ZNF385D: variants seen among roughly 807,000 people sequenced by gnomAD.
ZNF385D encodes zinc finger protein 385D.
In ZNF385D, 15 loss-of-function variants were observed where a neutral mutation model predicts 35.8. That is an observed-to-expected ratio of 0.42 (90% confidence interval 0.28 to 0.64). The LOEUF (loss-of-function observed/expected upper bound fraction) is 0.64, where lower values mean the gene tolerates loss of function less well. Ranked by LOEUF, ZNF385D falls within the 30% of genes least tolerant of loss-of-function variation. The pLI is 0.23. For missense variants in ZNF385D, 474 were observed against 494.6 expected, an observed-to-expected ratio of 0.96 and a Z score of 0.39; for synonymous variants, 212 against 186.8, an observed-to-expected ratio of 1.13 and a Z score of -1.10.
chr3:21,956,193 C>G (rs1369473457), intron 3 of ZNF385D, among the ~76,000 whole-genome samples: 1 of 147,196 alleles, frequency 6.8e-6, no homozygotes, highest in South Asian at 2.2e-4. Context: ...TCTCAGGAAA[C>G]AAACAAACAA....
intron 3 of ZNF385D, among the ~76,000 whole-genome samples, chr3:22,041,236 C>T (rs1319365931): frequency 6.6e-6 from 1 of 152,066 alleles, no homozygotes; most frequent in Non-Finnish European, 1.5e-5. Context: ...AGAAATGACA[C>T]ATGGTTGCAT....
intron 3 of ZNF385D, among the ~76,000 whole-genome samples, chr3:22,086,779 T>A (rs1213293053): frequency 2.0e-5 from 3 of 152,170 alleles, no homozygotes; most frequent in African/African-American, 7.2e-5. Flanking sequence ...TCATGTCCTT[T>A]GTAGGGACAT....
rs1436116932 is a variant in ZNF385D at position 22,117,514 on chromosome 3, A to T, written c.325+51303T>A. The stretch of plus-strand genomic sequence containing the variant: ...TCTTGTTCAACCAAAATTGGCATGA[A>T]ATGATTAAATAACAGGTTAAATAGG... On this transcript the variant is annotated intron_variant, in intron 3 of 5. Coordinates refer to the ZNF385D transcript ENST00000494108. 2.6e-5 allele frequency among the ~76,000 whole-genome samples: 4 copies of T among 152,142 alleles called. No homozygotes were observed. In the East Asian group the frequency reaches 7.7e-4, roughly 29 times the overall value.
At chr3:21,801,517 T>G (rs761800872) in intron 3 of ZNF385D, among the ~76,000 whole-genome samples, 7 of 152,168 alleles carry the variant, frequency 4.6e-5, no homozygotes, top group Non-Finnish European at 1.0e-4. Flanking sequence ...CTATCTATTT[T>G]TAATTGTAAA....
intron 3 of ZNF385D, among the ~76,000 whole-genome samples, chr3:22,038,456 T>G (rs1698468551): frequency 6.6e-6 from 1 of 152,124 alleles, no homozygotes. Context: ...AGCAATTAAA[T>G]GATATATGCA....
At chr3:22,207,730 A>C (rs1396808222) in intron 2 of ZNF385D, among the ~76,000 whole-genome samples, 1 of 152,046 alleles carries the variant, frequency 6.6e-6, no homozygotes, top group Non-Finnish European at 1.5e-5. Flanking sequence ...TAAAGAGCTC[A>C]AACAACTCTA....
intron 4 of ZNF385D, among the ~76,000 whole-genome samples, chr3:21,445,970 G>A (rs1335843057): frequency 6.6e-6 from 1 of 152,066 alleles, no homozygotes; most frequent in African/African-American, 2.4e-5. Context: ...AAGATGTTGG[G>A]GAAATTTCAC....
chr3:21,557,832 A>G (rs2062795177), intron 3 of ZNF385D, among the ~76,000 whole-genome samples: 1 of 152,076 alleles, frequency 6.6e-6, no homozygotes, highest in Non-Finnish European at 1.5e-5. Context: ...AACTGCCTCA[A>G]TTTCAGAACT....
intron 2 of ZNF385D, among the ~76,000 whole-genome samples, chr3:22,267,807 G>A (rs573967624): frequency 1.3e-5 from 2 of 151,998 alleles, no homozygotes; most frequent in African/African-American, 4.8e-5. Context: ...AGTAATTAAA[G>A]TATTACCAAT....
rs75163989 is a variant in ZNF385D at position 22,130,798 on chromosome 3, T to C, written c.325+38019A>G. Among the ~76,000 whole-genome samples, 11 of 152,266 alleles carry C rather than the reference T, an allele frequency of 7.2e-5. No individual in the cohort carries two copies. In the East Asian group the frequency reaches 2.1e-3, roughly 29 times the overall value. ...CCATGATTGCTCACCAGATTTTTGG[T>C]TCTTATGAAGGTACCTTCTTCTGTG... On this transcript the variant is annotated intron_variant, in intron 3 of 5. Coordinates refer to the ZNF385D transcript ENST00000494108.
At chr3:22,334,449 T>C (rs1007653149) in intron 2 of ZNF385D, among the ~76,000 whole-genome samples, 30 of 152,148 alleles carry the variant, frequency 2.0e-4, no homozygotes, top group Non-Finnish European at 1.5e-4. Context: ...TAAAATTTTA[T>C]AGATTTAATT....
At chr3:22,143,348 C>T (rs996362897) in intron 3 of ZNF385D, among the ~76,000 whole-genome samples, 3 of 152,086 alleles carry the variant, frequency 2.0e-5, no homozygotes, top group Middle Eastern at 3.4e-3. Context: ...CCTCCCAAAG[C>T]GCTAGGATTA....
chr3:21,573,322 T>G (rs1184553358), intron 2 of ZNF385D, among the ~76,000 whole-genome samples: 2 of 152,134 alleles, frequency 1.3e-5, no homozygotes, highest in Non-Finnish European at 2.9e-5. Context: ...AAATACAAAA[T>G]GTACTGGTTA....
At chr3:22,114,223 T>C (rs555899370) in intron 3 of ZNF385D, among the ~76,000 whole-genome samples, 1 of 152,162 alleles carries the variant, frequency 6.6e-6, no homozygotes, top group East Asian at 1.9e-4. Flanking sequence ...CTGTTAAACA[T>C]TATGGATAAG....
At chr3:21,614,841 C>G (rs1372652994) in intron 2 of ZNF385D, among the ~76,000 whole-genome samples, 1 of 152,186 alleles carries the variant, frequency 6.6e-6, no homozygotes, top group African/African-American at 2.4e-5. Context: ...CCTGCCTCGG[C>G]CTCCCGAAGT....
chr3:21,970,262 T>A (rs1365247416), intron 3 of ZNF385D, among the ~76,000 whole-genome samples: 1 of 152,092 alleles, frequency 6.6e-6, no homozygotes, highest in Non-Finnish European at 1.5e-5. Context: ...CACAGAGATA[T>A]GTGACTAATA....
chr3:22,335,328 G>A (rs1404412072), intron 2 of ZNF385D, among the ~76,000 whole-genome samples: 2 of 152,124 alleles, frequency 1.3e-5, no homozygotes, highest in African/African-American at 4.8e-5. Context: ...CATGAACATT[G>A]TGAGTGTACA....
chr3:21,969,857 G>C (rs965501525), intron 3 of ZNF385D, among the ~76,000 whole-genome samples: 1 of 152,122 alleles, frequency 6.6e-6, no homozygotes, highest in African/African-American at 2.4e-5. Flanking sequence ...AGCTCAGAAA[G>C]GGATAGAAAC....
intron 4 of ZNF385D, among the ~76,000 whole-genome samples, chr3:21,494,931 A>G (rs1399716452): frequency 6.6e-6 from 1 of 152,196 alleles, no homozygotes; most frequent in Non-Finnish European, 1.5e-5. Flanking sequence ...TACCTCCTTT[A>G]TAGGAAAAGA....
Sources: gnomAD v4.1 joint callset for allele counts (sites outside exome capture counted in the v4.1 genomes callset) on GRCh38, gnomAD v4.1.1 for gene constraint, MANE v1.5 for transcripts, NCBI Gene and HGNC (gene_info 2026-07-23, HGNC 2026-07-21) for gene names.